The following APPBP2 variants were observed in gnomAD, a reference collection of about 807,000 sequenced individuals.
The protein encoded by APPBP2 is amyloid beta precursor protein binding protein 2.
A neutral mutation model predicts 76.0 loss-of-function variants in APPBP2; 15 were observed. The observed-to-expected ratio is 0.20, with a 90% CI of 0.13 to 0.30. APPBP2 has a LOEUF of 0.30. Ranked by LOEUF, APPBP2 falls within the 10% of genes least tolerant of loss-of-function variation. The probability of loss-of-function intolerance (pLI) is 1.00; values close to 1 mark genes in which losing one functional copy is unlikely to be tolerated. For missense variants in APPBP2, 401 were observed against 687.2 expected (o/e 0.58, Z 4.66); for synonymous variants, 222 against 242.2 (o/e 0.92, Z 0.77).
At chr17:60,493,062 C>G (rs1163362328) in intron 3 of APPBP2, among the ~76,000 whole-genome samples, 1 of 152,158 alleles carries the variant, frequency 6.6e-6, no homozygotes. Flanking sequence ...CTCATGAGAG[C>G]TGATGGTTTT....
chr17:60,451,561 C>T (rs2090395195), intron 12 of APPBP2, among the ~76,000 whole-genome samples: 1 of 152,094 alleles, frequency 6.6e-6, no homozygotes, highest in South Asian at 2.1e-4. Context: ...ACAACCTCTG[C>T]CTTCCAGGTT....
intron 12 of APPBP2, 111 bp downstream of exon 12, chr17:60,451,769 G>A (rs879258718): frequency 2.0e-5 from 19 of 964,018 alleles, no homozygotes; most frequent in African/African-American, 5.0e-5. Flanking sequence ...ATGAGCCACC[G>A]CACCCAGCCC....
chr17:60,464,500 C>G (rs966400785), intron 5 of APPBP2, among the ~76,000 whole-genome samples: 1 of 152,142 alleles, frequency 6.6e-6, no homozygotes, highest in Non-Finnish European at 1.5e-5. Context: ...CCTATTGTAA[C>G]ATTTGTTATT....
In APPBP2 at chr17:60,468,636, A is replaced by G. The variant is rs2090528626; in HGVS notation, c.504-2177T>C. 3 of 149,514 alleles carry G rather than the reference A, an allele frequency of 2.0e-5. No homozygotes were observed. In the South Asian group the frequency reaches 6.2e-4, roughly 31 times the overall value. 9.3% of individuals were successfully genotyped at this position (149,514 alleles called of 1,614,324 possible). On this transcript the variant is annotated intron_variant, in intron 4 of 12. Transcript: ENST00000083182. The stretch of plus-strand genomic sequence containing the variant: ...GTCTATTTAAACAAAAGGGCAAATT[A>G]AACATATGGAGACTCTTTAGGTTCT...
intron 1 of APPBP2, among the ~76,000 whole-genome samples, chr17:60,521,252 T>G (rs2091007703): frequency 6.6e-6 from 1 of 152,196 alleles, no homozygotes; most frequent in African/African-American, 2.4e-5. Flanking sequence ...CCCCATAAGA[T>G]TATAATAGAG....
At chr17:60,520,607 C>G (rs1256708636) in intron 1 of APPBP2, among the ~76,000 whole-genome samples, 1 of 145,560 alleles carries the variant, frequency 6.9e-6, no homozygotes, top group Non-Finnish European at 1.5e-5. Flanking sequence ...ATTGTGAAAA[C>G]AATACATAGA....
intron 1 of APPBP2, among the ~76,000 whole-genome samples, chr17:60,512,276 G>C (rs1170690841): frequency 6.6e-6 from 1 of 151,600 alleles, no homozygotes; most frequent in African/African-American, 2.4e-5. Flanking sequence ...CTAATTTTTT[G>C]TATTTTTTAG....
At chr17:60,499,396 G>C (rs1025201472) in intron 2 of APPBP2, among the ~76,000 whole-genome samples, 1 of 149,106 alleles carries the variant, frequency 6.7e-6, no homozygotes, top group African/African-American at 2.5e-5. Context: ...ATAAGAGTTG[G>C]GTGCAGTGGC....
At chr17:60,448,771 T>C (rs561698882) in intron 12 of APPBP2, among the ~76,000 whole-genome samples, 3 of 152,316 alleles carry the variant, frequency 2.0e-5, no homozygotes, top group South Asian at 2.1e-4. Context: ...TATCTGTTCA[T>C]TGTGCAAAAA....
intron 1 of APPBP2, among the ~76,000 whole-genome samples, chr17:60,512,952 C>T (rs958165573): frequency 7.7e-5 from 10 of 129,726 alleles, no homozygotes; most frequent in Admixed American, 2.2e-4. Context: ...AAAAATTTTT[C>T]TTTTCCTTTT....
intron 1 of APPBP2, among the ~76,000 whole-genome samples, chr17:60,511,409 AC>A (rs1170744484): frequency 6.6e-6 from 1 of 151,822 alleles, no homozygotes; most frequent in Non-Finnish European, 1.5e-5. Flanking sequence ...ACATGGTGAA[AC>A]CCCGTCTCTA....
intron 1 of APPBP2, among the ~76,000 whole-genome samples, chr17:60,509,957 T>C (rs1242469828): frequency 6.6e-6 from 1 of 152,194 alleles, no homozygotes. Flanking sequence ...AGGAATTCAT[T>C]ATTCTATTCT....
intron 1 of APPBP2, among the ~76,000 whole-genome samples, chr17:60,506,393 C>T (rs1031462694): frequency 6.6e-6 from 1 of 152,156 alleles, no homozygotes. Flanking sequence ...ATAACTTTTG[C>T]ACACATATGC....
At position 60,525,824 on chromosome 17, in the gene APPBP2, G is replaced by T. The variant is rs753470292; in HGVS notation, c.108C>A (p.Pro36=). 6.2e-7 allele frequency: 1 copy of T among 1,613,966 alleles called. No individual in the cohort carries two copies. Among genetic ancestry groups the T allele is most frequent in the East Asian group, 2.2e-5 (1 of 44,872 alleles). The change falls in exon 1 of 13, where the codon CCC becomes CCA. Residue 36 remains proline, a synonymous_variant. Coordinates refer to ENST00000083182, the MANE Select transcript of APPBP2 (RefSeq NM_006380.5). ...IRSRRDIRSL[P]ENIQFDVYYK... ...AGTAAACATCAAACTGGATGTTCTC[G>T]GGCAAGGAGCGGATGTCTCGGCGGG...
intron 1 of APPBP2, among the ~76,000 whole-genome samples, chr17:60,515,701 C>T (rs1181142987): frequency 1.3e-5 from 2 of 152,148 alleles, no homozygotes; most frequent in African/African-American, 4.8e-5. Flanking sequence ...ACCAAGGTGC[C>T]CTGAGGCCCT....
chr17:60,517,620 C>T (rs539324767), intron 1 of APPBP2, among the ~76,000 whole-genome samples: 87 of 152,266 alleles, frequency 5.7e-4, no homozygotes, highest in African/African-American at 2.1e-3. Flanking sequence ...TTAACCAATA[C>T]CATTAATTTG....
chr17:60,503,649 G>A (rs1363816471), intron 1 of APPBP2, among the ~76,000 whole-genome samples: 2 of 146,720 alleles, frequency 1.4e-5, no homozygotes, highest in Non-Finnish European at 2.9e-5. Flanking sequence ...GCCTCCCAAT[G>A]TGCTGGGATT....
chr17:60,462,299 CAAAT>C, intron 6 of APPBP2: 1 of 404,114 alleles, frequency 2.5e-6, no homozygotes. Flanking sequence ...AGTCCTAGTA[CAAAT>C]CTGTCAAAAC....
At chr17:60,520,351 T>C (rs934983751) in intron 1 of APPBP2, among the ~76,000 whole-genome samples, 8 of 152,146 alleles carry the variant, frequency 5.3e-5, no homozygotes, top group Non-Finnish European at 1.2e-4. Context: ...GGCAGGCAGA[T>C]CACCTGAGGT....
Sources: gnomAD v4.1 joint callset for allele counts (sites outside exome capture counted in the v4.1 genomes callset) on GRCh38, gnomAD v4.1.1 for gene constraint, MANE v1.5 for transcripts, NCBI Gene and HGNC (gene_info 2026-07-23, HGNC 2026-07-21) for gene names.